JAKMIP3: variants seen among roughly 807,000 people sequenced by gnomAD.
The protein encoded by JAKMIP3 is Janus kinase and microtubule interacting protein 3, also known as janus kinase and microtubule-interacting protein 3.
JAKMIP3 carries 58 observed loss-of-function variants against 118.5 expected under a neutral mutation model. The observed-to-expected ratio is 0.49, with a 90% confidence interval of 0.40 to 0.61. JAKMIP3 has a LOEUF of 0.61. Ranked by LOEUF, JAKMIP3 falls within the 20% of genes least tolerant of loss-of-function variation. The probability of loss-of-function intolerance (pLI) is 0.00; values close to 1 mark genes in which losing one functional copy is unlikely to be tolerated. For missense variants in JAKMIP3, 950 were observed against 1,109.0 expected, an observed-to-expected ratio of 0.86 and a Z score of 2.04; for synonymous variants, 486 against 451.2, an observed-to-expected ratio of 1.08 and a Z score of -0.98.
intron 1 of JAKMIP3, among the ~76,000 whole-genome samples, chr10:132,093,515 G>A (rs1026920138): frequency 2.0e-5 from 3 of 152,162 alleles, no homozygotes; most frequent in African/African-American, 4.8e-5. Context: ...GCGAGGCTCC[G>A]TGGGCGTGGG....
In JAKMIP3 at chr10:132,137,036, C is replaced by G; in HGVS notation, c.1134C>G (p.Ile378Met). 6.2e-7 allele frequency: 1 copy of G among 1,613,758 alleles called. No homozygotes were observed. Among genetic ancestry groups the G allele is most frequent in the African/African-American group, 1.3e-5 (1 of 75,044 alleles). The change falls in exon 7 of 24, where the codon ATC becomes ATG. Residue 378 changes from isoleucine (I) to methionine (M), a missense_variant. Ile to Met is a conservative substitution (Grantham distance 10). Coordinates refer to ENST00000684848, the MANE Select transcript of JAKMIP3 (RefSeq NM_001323087.2). Reference protein sequence around the residue: ...ENIEMRQRAGIIRRPSSLNDL... With the variant: ...ENIEMRQRAGMIRRPSSLNDL... The stretch of plus-strand genomic sequence containing the variant: ...CGTTTCAGAGACAGAGAGCTGGAAT[C>G]ATACGGAGACCCAGTTCCTTGAATG...
At position 132,168,610 on chromosome 10, in the gene JAKMIP3, G is replaced by A. The variant is rs1222428815; in HGVS notation, c.*680G>A. On this transcript the variant is annotated 3_prime_UTR_variant, in exon 23 of 24. Transcript: ENST00000684848. ...AAGAGCCGTGGCCGCCGCGGGCCGC[G>A]TGGTGCCATCAACCCTCTGCCTCCC... 6.5e-5 allele frequency: 23 copies of A among 354,148 alleles called. No homozygotes were observed. The highest frequency in any genetic ancestry group is 9.8e-5 in the Non-Finnish European group (18 of 183,220). 21.9% of individuals were successfully genotyped at this position (354,148 alleles called of 1,614,324 possible).
intron 1 of JAKMIP3, among the ~76,000 whole-genome samples, chr10:132,088,938 C>T (rs566965359): frequency 2.7e-4 from 41 of 152,250 alleles, no homozygotes; most frequent in African/African-American, 8.2e-4. Flanking sequence ...CTAGCCAGTT[C>T]TCCCAGCACC....
intron 1 of JAKMIP3, among the ~76,000 whole-genome samples, chr10:132,075,980 G>A (rs545586852): frequency 1.3e-5 from 2 of 152,164 alleles, no homozygotes; most frequent in African/African-American, 4.8e-5. Flanking sequence ...TTTACTTCTC[G>A]TTTTTTGTTT....
intron 14 of JAKMIP3, among the ~76,000 whole-genome samples, chr10:132,148,357 T>C (rs1267906559): frequency 2.0e-5 from 3 of 152,140 alleles, no homozygotes; most frequent in Non-Finnish European, 4.4e-5. Context: ...TGGCGCTCAG[T>C]GTCATGCAGG....
rs548510265 is a variant in JAKMIP3, at chr10:132,153,178, C to A, written c.2073+155C>A. Among the ~76,000 whole-genome samples the A allele has an allele frequency of 3.9e-5, 6 of 152,342 alleles. No individual in the cohort carries two copies. In the East Asian group the frequency reaches 1.2e-3, roughly 29 times the overall value. ...TCTGCCCTGGGAGATCTGACACACT[C>A]AGGTCAGACAGCACCCACTGTGCAT... On this transcript the variant is annotated intron_variant, in intron 17 of 23. Coordinates refer to ENST00000684848, the MANE Select transcript of JAKMIP3 (RefSeq NM_001323087.2).
At chr10:132,038,448 A>G (rs1463113723) in intron 1 of JAKMIP3, among the ~76,000 whole-genome samples, 4 of 152,220 alleles carry the variant, frequency 2.6e-5, no homozygotes, top group Non-Finnish European at 4.4e-5. Context: ...AAAATGGCAT[A>G]ACAATAAGCT....
At position 132,056,165 on chromosome 10, in the gene JAKMIP3, G is replaced by A. The variant is rs564015143; in HGVS notation, c.-138+19427G>A. Among the ~76,000 whole-genome samples, 15 of 152,250 alleles carry A rather than the reference G, an allele frequency of 9.9e-5. No individual in the cohort carries two copies. The South Asian group carries it at 2.7e-3, about 27-fold the overall frequency. The stretch of plus-strand genomic sequence containing the variant: ...GAGTCTGGCCTCGTTCCTGGTGAGC[G>A]GTGGGACCCTGGGCACCTTCTGTCA... On this transcript the variant is annotated intron_variant, in intron 1 of 23. Transcript: ENST00000657785.
chr10:132,115,032 C>G (rs2047410871), intron 2 of JAKMIP3, among the ~76,000 whole-genome samples: 1 of 152,220 alleles, frequency 6.6e-6, no homozygotes, highest in South Asian at 2.1e-4. Flanking sequence ...TGGTGAGTGG[C>G]TGCTGTGATC....
chr10:132,153,023 G>T lies in JAKMIP3; in HGVS notation c.2073G>T (p.Lys691Asn). The change falls in exon 17 of 24, where the codon AAG becomes AAT. Residue 691 changes from lysine (K) to asparagine (N), a missense_variant and splice_region_variant. Coordinates refer to ENST00000684848, the MANE Select transcript of JAKMIP3 (RefSeq NM_001323087.2). ...QARTVLTLAEKWLQQIEETEA... is the reference protein window; with the variant it reads ...QARTVLTLAENWLQQIEETEA... ...GGACAGTCCTGACCTTGGCCGAAAA[G>T]GTAACAGCAGCTGTGTGGACAGTCG... The T allele has an allele frequency of 6.2e-7, 1 of 1,605,944 alleles. No homozygotes were observed. The highest frequency in any genetic ancestry group is 1.1e-5 in the South Asian group (1 of 89,228).
rs532554296 is a variant in JAKMIP3, at chr10:132,154,868, ATAG to A, written c.2220+880_2220+882del. On this transcript the variant is annotated intron_variant, in intron 19 of 23. Transcript: ENST00000684848. ...GGCGGTGGTGGTGGTGATGGTGGTGATAGTGGTGGTGATGATGATGGTGATGAT... is the reference window on the plus strand; with the variant it reads ...GGCGGTGGTGGTGGTGATGGTGGTGATGGTGGTGATGATGATGGTGATGAT... 1.1e-3 allele frequency among the ~76,000 whole-genome samples: 107 copies of A among 93,070 alleles called. 4 individuals are homozygous for A. In the South Asian group the frequency reaches 0.035, roughly 31 times the overall value. 61.1% of individuals were successfully genotyped at this position (93,070 alleles called of 152,430 possible). A position where few individuals can be genotyped will look rare whatever the true frequency, so the allele number is the denominator to read the frequency against.
chr10:132,102,482 G>A (rs755093069), intron 1 of JAKMIP3, among the ~76,000 whole-genome samples: 8 of 152,122 alleles, frequency 5.3e-5, no homozygotes, highest in South Asian at 2.1e-4. Context: ...CGTCTCACAC[G>A]TGCAGAGCTG....
chr10:132,046,282 C>T (rs1310351080), intron 1 of JAKMIP3, among the ~76,000 whole-genome samples: 1 of 152,100 alleles, frequency 6.6e-6, no homozygotes, highest in African/African-American at 2.4e-5. Context: ...GTGAAACCCC[C>T]GTCTCTACTA....
intron 1 of JAKMIP3, among the ~76,000 whole-genome samples, chr10:132,048,476 G>A (rs1255586121): frequency 6.6e-6 from 1 of 152,142 alleles, no homozygotes; most frequent in African/African-American, 2.4e-5. Flanking sequence ...TATTCCATGG[G>A]CTAAAATCCG....
At chr10:132,066,273 C>A (rs1267749293) in intron 1 of JAKMIP3, among the ~76,000 whole-genome samples, 1 of 152,224 alleles carries the variant, frequency 6.6e-6, no homozygotes, top group Non-Finnish European at 1.5e-5. Flanking sequence ...CATGCTCATG[C>A]ACACATTTGG....
chr10:132,058,008 C>T (rs999481134), intron 1 of JAKMIP3, among the ~76,000 whole-genome samples: 3 of 152,216 alleles, frequency 2.0e-5, no homozygotes, highest in Admixed American at 6.5e-5. Flanking sequence ...GCCAGATCCT[C>T]GGCCCCTGAC....
At chr10:132,180,370 T>A (rs2060627476) in intron 23 of JAKMIP3, among the ~76,000 whole-genome samples, 1 of 133,932 alleles carries the variant, frequency 7.5e-6, no homozygotes, top group Non-Finnish European at 1.5e-5. Flanking sequence ...CTGACATGGC[T>A]CCAGTTTGGA....
intron 1 of JAKMIP3, among the ~76,000 whole-genome samples, chr10:132,093,582 T>C (rs1262521931): frequency 6.6e-6 from 1 of 152,224 alleles, no homozygotes; most frequent in Non-Finnish European, 1.5e-5. Context: ...CTAAGACCGT[T>C]GGAAGAGCAC....
chr10:132,111,966 G>A (rs1360823495), intron 2 of JAKMIP3, among the ~76,000 whole-genome samples: 2 of 152,028 alleles, frequency 1.3e-5, no homozygotes, highest in East Asian at 1.9e-4. Flanking sequence ...GGTAGAATCT[G>A]TGGGTGGATG....
Sources: gnomAD v4.1 joint callset for allele counts (sites outside exome capture counted in the v4.1 genomes callset) on GRCh38, gnomAD v4.1.1 for gene constraint, MANE v1.5 for transcripts, NCBI Gene and HGNC (gene_info 2026-07-23, HGNC 2026-07-21) for gene names.